The following CACNA2D3 variants were observed in gnomAD, a reference collection of about 807,000 sequenced individuals.
The protein encoded by CACNA2D3 is calcium voltage-gated channel auxiliary subunit alpha2delta 3.
Under a neutral mutation model 160.6 loss-of-function variants are expected in CACNA2D3, and 60 were observed. The ratio of observed to expected loss-of-function variants is 0.37; its 90% CI spans 0.30 to 0.46. CACNA2D3 has a LOEUF of 0.46. Among genes scored for constraint, CACNA2D3 ranks in the 20% least tolerant of loss-of-function variants. The pLI, the probability that CACNA2D3 is intolerant of heterozygous loss-of-function variation, is 1.00. For missense variants in CACNA2D3, 1,205 were observed against 1,365.0 expected, an observed-to-expected ratio of 0.88 and a Z score of 1.85; for synonymous variants, 558 against 492.9, an observed-to-expected ratio of 1.13 and a Z score of -1.75.
At chr3:55,051,810 C>G (rs540987039) in intron 35 of CACNA2D3, among the ~76,000 whole-genome samples, 1 of 152,164 alleles carries the variant, frequency 6.6e-6, no homozygotes, top group Non-Finnish European at 1.5e-5. Flanking sequence ...TCTCGTGGTG[C>G]GCCGTTTTTT....
chr3:54,751,385 T>TA (rs1701854246), intron 11 of CACNA2D3, among the ~76,000 whole-genome samples: 1 of 152,252 alleles, frequency 6.6e-6, no homozygotes, highest in Non-Finnish European at 1.5e-5. Context: ...CTTCAAGTTA[T>TA]AATGCCCAGA....
At chr3:54,605,636 G>A (rs1559524670) in intron 9 of CACNA2D3, among the ~76,000 whole-genome samples, 1 of 151,978 alleles carries the variant, frequency 6.6e-6, no homozygotes, top group Non-Finnish European at 1.5e-5. Context: ...AATTTATTTG[G>A]TGTCTCTCCC....
At chr3:54,147,428 G>A (rs2107276375) in intron 2 of CACNA2D3, among the ~76,000 whole-genome samples, 1 of 152,348 alleles carries the variant, frequency 6.6e-6, no homozygotes, top group South Asian at 2.1e-4. Context: ...CTAATCTCTG[G>A]TAAAGGAGGG....
intron 2 of CACNA2D3, among the ~76,000 whole-genome samples, chr3:54,215,719 C>A (rs950502771): frequency 6.6e-6 from 1 of 152,128 alleles, no homozygotes; most frequent in Non-Finnish European, 1.5e-5. Flanking sequence ...CCAAAGTCAC[C>A]GGCTCACAAA....
At chr3:54,732,166 G>T (rs1701401917) in intron 11 of CACNA2D3, among the ~76,000 whole-genome samples, 2 of 152,174 alleles carry the variant, frequency 1.3e-5, no homozygotes, top group Admixed American at 1.3e-4. Context: ...TTTCCTTTGA[G>T]CCTGATATAT....
chr3:54,697,183 T>C (rs1033725550), intron 11 of CACNA2D3, among the ~76,000 whole-genome samples: 1 of 151,960 alleles, frequency 6.6e-6, no homozygotes, highest in African/African-American at 2.4e-5. Flanking sequence ...GAGGCTAAGG[T>C]AGGAGGATCA....
chr3:54,146,475 C>T (rs1455868463), intron 2 of CACNA2D3, among the ~76,000 whole-genome samples: 5 of 152,226 alleles, frequency 3.3e-5, no homozygotes, highest in Admixed American at 6.5e-5. Flanking sequence ...TAGGTCTGCC[C>T]AGCTCTGCCC....
At chr3:54,629,521 C>A (rs1033566048) in intron 10 of CACNA2D3, among the ~76,000 whole-genome samples, 1 of 152,168 alleles carries the variant, frequency 6.6e-6, no homozygotes, top group Admixed American at 6.5e-5. Context: ...AAGTCAACTT[C>A]CTCAGTACAA....
chr3:54,939,978 A>G (rs941529278), intron 27 of CACNA2D3, among the ~76,000 whole-genome samples: 2 of 152,200 alleles, frequency 1.3e-5, no homozygotes, highest in Non-Finnish European at 2.9e-5. Flanking sequence ...AATGCAGAGG[A>G]CAGGATGCCT....
intron 31 of CACNA2D3, among the ~76,000 whole-genome samples, chr3:55,000,737 G>C (rs1362279188): frequency 6.6e-6 from 1 of 152,114 alleles, no homozygotes; most frequent in African/African-American, 2.4e-5. Context: ...ATTCACAAGT[G>C]CAGCCAGCTG....
At chr3:55,004,741 C>T in intron 31 of CACNA2D3, 22 bp from the exon 32 acceptor site, 1 of 1,557,976 alleles carries the variant, frequency 6.4e-7, no homozygotes, top group Non-Finnish European at 8.9e-7. Flanking sequence ...TAGTGAAGCT[C>T]CCTTCCATTT....
chr3:54,946,384 G>A (rs1235849296), intron 27 of CACNA2D3, among the ~76,000 whole-genome samples: 1 of 152,118 alleles, frequency 6.6e-6, no homozygotes, highest in Non-Finnish European at 1.5e-5. Flanking sequence ...TTAGCCCAGG[G>A]AACACCTGAG....
intron 4 of CACNA2D3, among the ~76,000 whole-genome samples, chr3:54,446,691 C>T (rs1392264286): frequency 1.3e-5 from 2 of 152,010 alleles, no homozygotes; most frequent in African/African-American, 4.8e-5. Flanking sequence ...TTAAGCAAGC[C>T]TCATGATGAT....
At chr3:54,726,431 CAA>C (rs1460110320) in intron 11 of CACNA2D3, among the ~76,000 whole-genome samples, 1 of 152,018 alleles carries the variant, frequency 6.6e-6, no homozygotes, top group African/African-American at 2.4e-5. Flanking sequence ...CATATGCAAC[CAA>C]AAAAGAGCCT....
intron 35 of CACNA2D3, among the ~76,000 whole-genome samples, chr3:55,067,989 G>A (rs149966682): frequency 3.2e-4 from 49 of 152,188 alleles, no homozygotes; most frequent in African/African-American, 1.1e-3. Context: ...GTTATGCACT[G>A]TTCCTCTATT....
At chr3:54,131,310 C>A (rs560886408) in intron 2 of CACNA2D3, among the ~76,000 whole-genome samples, 3 of 152,290 alleles carry the variant, frequency 2.0e-5, no homozygotes, top group Admixed American at 1.3e-4. Context: ...AGATATGCAC[C>A]CTTCCCCTAG....
intron 4 of CACNA2D3, among the ~76,000 whole-genome samples, chr3:54,448,489 C>A (rs1700256956): frequency 6.6e-6 from 1 of 152,164 alleles, no homozygotes; most frequent in African/African-American, 2.4e-5. Flanking sequence ...TCAGTTCCCC[C>A]AAACGAAAGT....
At chr3:54,913,997 A>T (rs1700611092) in intron 27 of CACNA2D3, among the ~76,000 whole-genome samples, 2 of 152,214 alleles carry the variant, frequency 1.3e-5, no homozygotes, top group South Asian at 4.1e-4. Context: ...CCTTATCCAA[A>T]TACTTAGTAT....
chr3:54,235,018 T>TA (rs559775551), intron 2 of CACNA2D3, among the ~76,000 whole-genome samples: 11 of 151,866 alleles, frequency 7.2e-5, no homozygotes, highest in Non-Finnish European at 1.6e-4. Flanking sequence ...AAATAAAAGT[T>TA]AAAAAAAATT....
Sources: allele counts gnomAD v4.1 joint callset (sites outside exome capture counted in the v4.1 genomes callset), GRCh38; gene constraint gnomAD v4.1.1; transcripts MANE v1.5; gene names NCBI Gene and HGNC (gene_info 2026-07-23, HGNC 2026-07-21).